Variants in ARHGEF12 observed in about 807,000 individuals in gnomAD.
ARHGEF12 encodes the protein KMT2A/ARHGEF12 fusion protein.
Under a neutral mutation model 211.2 loss-of-function variants are expected in ARHGEF12, and 66 were observed. The ratio of observed to expected loss-of-function variants is 0.31; its 90% CI spans 0.26 to 0.38. The LOEUF is 0.38. ARHGEF12 is among the 10% of genes least tolerant of loss of function. The pLI is 1.00. For missense variants in ARHGEF12, 1,429 were observed against 1,869.5 expected, an observed-to-expected ratio of 0.76 and a Z score of 4.34; for synonymous variants, 592 against 638.4, an observed-to-expected ratio of 0.93 and a Z score of 1.09.
chr11:120,430,509 GA>G (rs1344597148), intron 10 of ARHGEF12, among the ~76,000 whole-genome samples: 4 of 150,622 alleles, frequency 2.7e-5, no homozygotes, highest in Admixed American at 1.3e-4. Context: ...GGTCTCATAA[GA>G]AAAAAAAAGC....
rs771120207 is a variant in ARHGEF12 at position 120,441,721 on chromosome 11, C to T, written c.1107C>T (p.Cys369=). ...GTEHEQINGQ[C]SCFQSIELLK... is the part of the protein sequence containing the mutation. ...TCTTCCTCTAGATCAATGGACAGTG[C>T]AGCTGTTTCCAGAGCATTGAATTAC... The change falls in exon 14 of 41, where the codon TGC becomes TGT. Residue 369 remains cysteine, a synonymous_variant. Coordinates refer to ENST00000397843, the MANE Select transcript of ARHGEF12 (RefSeq NM_015313.3). 3 of 1,613,496 alleles carry T rather than the reference C, an allele frequency of 1.9e-6. No homozygotes were observed. In the African/African-American group the frequency reaches 4.0e-5, roughly 22 times the overall value.
intron 1 of ARHGEF12, among the ~76,000 whole-genome samples, chr11:120,375,203 G>A (rs894711333): frequency 6.6e-6 from 1 of 152,130 alleles, no homozygotes; most frequent in Non-Finnish European, 1.5e-5. Flanking sequence ...CATGGAAACT[G>A]TGAACATTCA....
intron 1 of ARHGEF12, among the ~76,000 whole-genome samples, chr11:120,354,364 G>A (rs115539383): frequency 0.012 from 1,864 of 152,238 alleles, 34 homozygotes; most frequent in African/African-American, 0.043. Context: ...CTGCATTTCA[G>A]TCTTCTCACT....
chr11:120,449,399 T>G (rs1729748544), intron 21 of ARHGEF12, 185 bp downstream of exon 21: 3 of 552,090 alleles, frequency 5.4e-6, no homozygotes, highest in Non-Finnish European at 6.4e-6. Flanking sequence ...GCTACATAAT[T>G]GTCATAAACA....
intron 1 of ARHGEF12, among the ~76,000 whole-genome samples, chr11:120,378,774 TA>T (rs568263899): frequency 1.3e-3 from 195 of 152,358 alleles, no homozygotes; most frequent in African/African-American, 4.2e-3. Context: ...AAAAACTTAA[TA>T]GACTGTCTGT....
chr11:120,363,332 A>T (rs1943331325), intron 1 of ARHGEF12, among the ~76,000 whole-genome samples: 1 of 152,174 alleles, frequency 6.6e-6, no homozygotes, highest in Non-Finnish European at 1.5e-5. Context: ...GGAAACATGA[A>T]ATGCCTTCTT....
intron 7 of ARHGEF12, among the ~76,000 whole-genome samples, chr11:120,425,871 T>C (rs1360782103): frequency 6.6e-6 from 1 of 152,158 alleles, no homozygotes; most frequent in Non-Finnish European, 1.5e-5. Context: ...CACAGTAAAG[T>C]AGACTAGAAA....
intron 22 of ARHGEF12, among the ~76,000 whole-genome samples, chr11:120,453,681 T>A (rs1946277627): frequency 1.3e-5 from 2 of 152,178 alleles, no homozygotes; most frequent in South Asian, 4.1e-4. Context: ...CTTGCCACCG[T>A]TAATGCAGCC....
intron 1 of ARHGEF12, among the ~76,000 whole-genome samples, chr11:120,388,858 T>C (rs182890962): frequency 2.6e-5 from 4 of 152,124 alleles, no homozygotes; most frequent in Non-Finnish European, 4.4e-5. Context: ...GCTTTTATTT[T>C]TTTTTTATTT....
intron 30 of ARHGEF12, 38 bp from the exon 31 acceptor site, chr11:120,473,012 A>G (rs1946915055): frequency 6.3e-7 from 1 of 1,594,792 alleles, no homozygotes; most frequent in Non-Finnish European, 8.6e-7. Context: ...ATTAATGACC[A>G]AAGCACTAAC....
Position 120,417,694 on chromosome 11 carries a change from A to G in ARHGEF12, c.200-3059A>G, listed in dbSNP as rs75561425. On this transcript the variant is annotated intron_variant, in intron 4 of 40. Coordinates refer to ENST00000397843, the MANE Select transcript of ARHGEF12 (RefSeq NM_015313.3). Reference sequence around the variant, plus strand: ...CATGCCAGGCTGATTTTGTTTTATCATGTTGGTCAGGCTGGTCTCACTCCT... The same window carrying G: ...CATGCCAGGCTGATTTTGTTTTATCGTGTTGGTCAGGCTGGTCTCACTCCT... Among the ~76,000 whole-genome samples the G allele has an allele frequency of 8.7e-3, 1,313 of 151,788 alleles. 88 individuals are homozygous for G. In the South Asian group the frequency reaches 0.16, roughly 19 times the overall value.
At chr11:120,357,629 GC>G (rs1943165683) in intron 1 of ARHGEF12, among the ~76,000 whole-genome samples, 1 of 152,188 alleles carries the variant, frequency 6.6e-6, no homozygotes, top group Non-Finnish European at 1.5e-5. Flanking sequence ...GATTGCAGTG[GC>G]ATGATCTTGC....
At chr11:120,428,608 GA>G (rs1191342865) in intron 8 of ARHGEF12, among the ~76,000 whole-genome samples, 1 of 152,126 alleles carries the variant, frequency 6.6e-6, no homozygotes. Flanking sequence ...TTAGCATGTA[GA>G]AGGTGCTTAA....
At chr11:120,404,157 A>G (rs1944622441) in intron 1 of ARHGEF12, among the ~76,000 whole-genome samples, 1 of 152,122 alleles carries the variant, frequency 6.6e-6, no homozygotes, top group African/African-American at 2.4e-5. Flanking sequence ...GATAACTCAA[A>G]TCTGCAACTT....
At chr11:120,344,749 G>A (rs1056276893) in intron 1 of ARHGEF12, among the ~76,000 whole-genome samples, 3 of 152,222 alleles carry the variant, frequency 2.0e-5, no homozygotes, top group African/African-American at 7.2e-5. Context: ...AGAGTTAAAT[G>A]AATGTTTGTG....
At chr11:120,474,245 G>A (rs958103134) in intron 31 of ARHGEF12, among the ~76,000 whole-genome samples, 5 of 152,150 alleles carry the variant, frequency 3.3e-5, no homozygotes, top group Admixed American at 6.5e-5. Flanking sequence ...TAAAGGATAC[G>A]TTGAGAATCT....
rs1339823015 is a variant in ARHGEF12, at chr11:120,446,235, AAT to A, written c.1346-166_1346-165del. 6.6e-4 allele frequency among the ~76,000 whole-genome samples: 99 copies of A among 150,072 alleles called. No homozygotes were observed. In the East Asian group the frequency reaches 0.012, roughly 18 times the overall value. ...TAATAATAATAATAATAATAATAAT[AAT>A]AGAGTAAATGAAATCAGAATTCTGG... On this transcript the variant is annotated intron_variant, in intron 16 of 40. Transcript: ENST00000397843.
chr11:120,349,867 T>C (rs1043743978), intron 1 of ARHGEF12, among the ~76,000 whole-genome samples: 2 of 152,240 alleles, frequency 1.3e-5, no homozygotes, highest in African/African-American at 4.8e-5. Flanking sequence ...TCCCTTGCTG[T>C]GATAATATTC....
At chr11:120,420,400 G>A (rs1380514559) in intron 4 of ARHGEF12, among the ~76,000 whole-genome samples, 2 of 152,230 alleles carry the variant, frequency 1.3e-5, no homozygotes, top group Non-Finnish European at 2.9e-5. Context: ...ACTCAGGGCA[G>A]TGGGGCAGGG....
Sources: gnomAD v4.1 joint callset for allele counts (sites outside exome capture counted in the v4.1 genomes callset) on GRCh38, gnomAD v4.1.1 for gene constraint, MANE v1.5 for transcripts, NCBI Gene and HGNC (gene_info 2026-07-23, HGNC 2026-07-21) for gene names.